Variants in HECW1 observed in about 807,000 individuals in gnomAD.
HECW1 encodes E3 ubiquitin-protein ligase HECW1.
Under a neutral mutation model 182.3 loss-of-function variants are expected in HECW1, and 61 were observed. The ratio of observed to expected loss-of-function variants is 0.33; its 90% CI spans 0.27 to 0.41. HECW1 has a LOEUF of 0.41. Among genes scored for constraint, HECW1 ranks in the 10% least tolerant of loss-of-function variants. The probability of loss-of-function intolerance (pLI) is 1.00; values close to 1 mark genes in which losing one functional copy is unlikely to be tolerated. For synonymous variants in HECW1, 859 were observed against 832.6 expected (o/e 1.03, Z -0.55); for missense variants, 1,739 against 2,108.9 (o/e 0.82, Z 3.44).
At chr7:43,348,031 C>A (rs1290686921) in intron 5 of HECW1, among the ~76,000 whole-genome samples, 2 of 152,156 alleles carry the variant, frequency 1.3e-5, no homozygotes, top group Non-Finnish European at 2.9e-5. Flanking sequence ...ATGCTGGCTT[C>A]ACAGAATGAA....
At chr7:43,117,339 CT>C (rs1333993531) in intron 2 of HECW1, among the ~76,000 whole-genome samples, 2 of 152,088 alleles carry the variant, frequency 1.3e-5, no homozygotes, top group Non-Finnish European at 2.9e-5. Flanking sequence ...TCATTTTGCT[CT>C]TTTTTTCCAC....
At chr7:43,336,891 T>C (rs1812356281) in intron 5 of HECW1, among the ~76,000 whole-genome samples, 3 of 152,242 alleles carry the variant, frequency 2.0e-5, no homozygotes, top group African/African-American at 7.2e-5. Context: ...TTATGTTTTA[T>C]GGCTGTGTAG....
intron 3 of HECW1, among the ~76,000 whole-genome samples, chr7:43,311,032 G>C (rs543477807): frequency 1.3e-5 from 2 of 152,134 alleles, no homozygotes; most frequent in Non-Finnish European, 2.9e-5. Context: ...TCTGCATCAG[G>C]TTGGCTCATT....
intron 26 of HECW1, among the ~76,000 whole-genome samples, 176 bp downstream of exon 26, chr7:43,542,174 C>A (rs1055077948): frequency 1.3e-5 from 2 of 151,872 alleles, no homozygotes; most frequent in Non-Finnish European, 2.9e-5. Context: ...GAAACTGTAC[C>A]CATTAAACAA....
chr7:43,480,004 C>T (rs899613295), intron 17 of HECW1, among the ~76,000 whole-genome samples: 5 of 152,142 alleles, frequency 3.3e-5, no homozygotes, highest in African/African-American at 1.2e-4. Flanking sequence ...TGAAAGGAAA[C>T]TGAAAATGCA....
intron 2 of HECW1, among the ~76,000 whole-genome samples, chr7:43,153,215 T>C (rs1348061779): frequency 2.0e-5 from 3 of 152,168 alleles, no homozygotes; most frequent in Non-Finnish European, 4.4e-5. Flanking sequence ...TTAAAAAATA[T>C]ATGGATTGTT....
At chr7:43,225,539 GA>G (rs949731968) in intron 2 of HECW1, among the ~76,000 whole-genome samples, 14 of 152,092 alleles carry the variant, frequency 9.2e-5, no homozygotes, top group African/African-American at 3.4e-4. Flanking sequence ...ATAAATTTTG[GA>G]ATATACATCA....
At chr7:43,349,171 AT>A (rs981408682) in intron 5 of HECW1, among the ~76,000 whole-genome samples, 5 of 152,060 alleles carry the variant, frequency 3.3e-5, no homozygotes, top group African/African-American at 1.2e-4. Flanking sequence ...AGTAGTTGGG[AT>A]TACAGGCATG....
intron 6 of HECW1, among the ~76,000 whole-genome samples, chr7:43,390,382 A>C (rs527911987): frequency 6.6e-6 from 1 of 151,992 alleles, no homozygotes; most frequent in Non-Finnish European, 1.5e-5. Context: ...CTACAAAAAA[A>C]TTTTTTTAAT....
chr7:43,517,763 C>T (rs1303308618), intron 24 of HECW1, among the ~76,000 whole-genome samples: 1 of 152,146 alleles, frequency 6.6e-6, no homozygotes, highest in Non-Finnish European at 1.5e-5. Context: ...TCACGAACAC[C>T]TACAAGAGCT....
intron 3 of HECW1, among the ~76,000 whole-genome samples, chr7:43,247,890 G>T (rs1052424053): frequency 7.5e-6 from 1 of 133,844 alleles, no homozygotes; most frequent in African/African-American, 2.9e-5. Context: ...GAAAGGGAGG[G>T]AGAGAGGAAG....
chr7:43,354,614 G>GA (rs1462705053), intron 5 of HECW1, among the ~76,000 whole-genome samples: 3 of 151,430 alleles, frequency 2.0e-5, no homozygotes, highest in African/African-American at 7.3e-5. Flanking sequence ...ACGCAGAGGA[G>GA]AAAAAAGAAA....
At chr7:43,561,494 A>G (rs2082206777) in intron 29 of HECW1, among the ~76,000 whole-genome samples, 1 of 152,238 alleles carries the variant, frequency 6.6e-6, no homozygotes, top group African/African-American at 2.4e-5. Flanking sequence ...TGCCTCCTTC[A>G]TTGACCACAT....
chr7:43,274,197 G>T (rs1191763506), intron 3 of HECW1: 2 of 519,598 alleles, frequency 3.8e-6, no homozygotes, highest in African/African-American at 3.9e-5. Context: ...ACAAGGTGGT[G>T]GTCTCTCTTT....
chr7:43,391,811 T>C (rs2075040756), intron 6 of HECW1, among the ~76,000 whole-genome samples: 1 of 152,226 alleles, frequency 6.6e-6, no homozygotes, highest in African/African-American at 2.4e-5. Context: ...TGTTTACTTA[T>C]CTACCATTTA....
chr7:43,120,397 C>T (rs566830763), intron 2 of HECW1, among the ~76,000 whole-genome samples: 6 of 152,214 alleles, frequency 3.9e-5, no homozygotes, highest in Admixed American at 1.3e-4. Flanking sequence ...TAGCACCACG[C>T]AATTTGTTAC....
chr7:43,331,003 T>C (rs917386741), intron 5 of HECW1, among the ~76,000 whole-genome samples: 2 of 152,160 alleles, frequency 1.3e-5, no homozygotes, highest in African/African-American at 2.4e-5. Context: ...TTTTTTTATA[T>C]ACTTTAAGTC....
In HECW1 at chr7:43,501,205, A is replaced by G. The variant is rs770370354; in HGVS notation, c.3522-8A>G. 1 of 906,818 alleles carries G rather than the reference A, an allele frequency of 1.1e-6. No individual in the cohort carries two copies. The highest frequency in any genetic ancestry group is 1.6e-6 in the Non-Finnish European group (1 of 639,786). 56.2% of individuals were successfully genotyped at this position (906,818 alleles called of 1,614,324 possible). A position where few individuals can be genotyped will look rare whatever the true frequency, so the allele number is the denominator to read the frequency against. ...TTTCTTTTTTTTTTTTTTTTTTTTC[A>G]TATGCAGTCTCTTTGAAGAAGAGAT... is the stretch of plus-strand genomic sequence containing the variant. On this transcript the variant is annotated splice_region_variant and splice_polypyrimidine_tract_variant and intron_variant, in intron 20 of 29. Coordinates refer to ENST00000395891, the MANE Select transcript of HECW1 (RefSeq NM_015052.5).
Position 43,320,759 on chromosome 7 carries a change from T to C in HECW1, c.460+17T>C. The C allele has an allele frequency of 6.4e-7, 1 of 1,568,516 alleles. No individual in the cohort carries two copies. The highest frequency in any genetic ancestry group is 1.7e-5 in the Admixed American group (1 of 59,962). ...TTGTGGAACGTGAGTACCTTTACCATTCTTGTGGCTTGGCAGACATGGATG... is the reference window on the plus strand; with the variant it reads ...TTGTGGAACGTGAGTACCTTTACCACTCTTGTGGCTTGGCAGACATGGATG... On this transcript the variant is annotated intron_variant, in intron 5 of 29. Coordinates refer to ENST00000395891, the MANE Select transcript of HECW1 (RefSeq NM_015052.5).
Sources: allele counts gnomAD v4.1 joint callset (sites outside exome capture counted in the v4.1 genomes callset), GRCh38; gene constraint gnomAD v4.1.1; transcripts MANE v1.5; gene names NCBI Gene and HGNC (gene_info 2026-07-23, HGNC 2026-07-21).